PLCH1: variants seen among roughly 807,000 people sequenced by gnomAD.
The protein encoded by PLCH1 is phospholipase C eta 1, also known as 1-phosphatidylinositol 4,5-bisphosphate phosphodiesterase eta-1.
In PLCH1, 60 loss-of-function variants were observed where a neutral mutation model predicts 126.7. That is an observed-to-expected ratio of 0.47 (90% CI 0.38 to 0.59). The LOEUF is 0.59. Ranked by LOEUF, PLCH1 falls within the 20% of genes least tolerant of loss-of-function variation. The probability of loss-of-function intolerance (pLI) is 0.00; values close to 1 mark genes in which losing one functional copy is unlikely to be tolerated. For synonymous variants in PLCH1, 719 were observed against 734.9 expected, an observed-to-expected ratio of 0.98 and a Z score of 0.35; for missense variants, 1,723 against 2,040.0, an observed-to-expected ratio of 0.84 and a Z score of 2.99.
intron 1 of PLCH1, among the ~76,000 whole-genome samples, chr3:155,724,367 C>T (rs1188090361): frequency 6.6e-6 from 1 of 152,098 alleles, no homozygotes; most frequent in East Asian, 1.9e-4. Flanking sequence ...TATTGTGTTG[C>T]CATCTACCTT....
At chr3:155,648,255 C>T (rs1441037690) in intron 2 of PLCH1, among the ~76,000 whole-genome samples, 1 of 152,128 alleles carries the variant, frequency 6.6e-6, no homozygotes, top group African/African-American at 2.4e-5. Flanking sequence ...AGCTTCAATC[C>T]TCTTACATTC....
intron 10 of PLCH1, among the ~76,000 whole-genome samples, chr3:155,531,720 AC>A (rs1477948617): frequency 6.6e-6 from 1 of 152,164 alleles, no homozygotes; most frequent in Non-Finnish European, 1.5e-5. Context: ...CTCCACCAAC[AC>A]TTGCTGCTTC....
intron 12 of PLCH1, among the ~76,000 whole-genome samples, chr3:155,513,829 T>G (rs1478030435): frequency 6.6e-6 from 1 of 152,174 alleles, no homozygotes; most frequent in African/African-American, 2.4e-5. Context: ...TATCCTATAC[T>G]CTGGCCAAGT....
intron 2 of PLCH1, among the ~76,000 whole-genome samples, chr3:155,681,708 C>T (rs1744552247): frequency 6.6e-6 from 1 of 152,196 alleles, no homozygotes; most frequent in African/African-American, 2.4e-5. Context: ...ATCAAAATCA[C>T]CAATGTAGCT....
chr3:155,491,047 A>G (rs1372967791), intron 18 of PLCH1, among the ~76,000 whole-genome samples, 179 bp from the exon 19 acceptor site: 3 of 152,208 alleles, frequency 2.0e-5, no homozygotes, highest in South Asian at 4.1e-4. Flanking sequence ...CAAGTATAAA[A>G]AATATTAAAT....
Position 155,594,026 on chromosome 3 carries a change from G to A in PLCH1, c.385C>T (p.Arg129Cys), listed in dbSNP as rs373747408. The change falls in exon 4 of 23, where the codon CGC (arginine) becomes TGC (cysteine). Residue 129 changes from arginine to cysteine, a missense_variant. Coordinates refer to ENST00000460012, the MANE Select transcript of PLCH1 (RefSeq NM_014996.4). ...TACTTGAGGCCTGTGATCCAGGTGCGGGCCTCCTCGGGGTTGGAGGTGATG... is the reference window on the plus strand; with the variant it reads ...TACTTGAGGCCTGTGATCCAGGTGCAGGCCTCCTCGGGGTTGGAGGTGATG... ...DLITSNPEEA[R>C]TWITGLKYLM... The A allele has an allele frequency of 9.3e-6, 15 of 1,613,704 alleles. No homozygotes were observed. Among genetic ancestry groups the A allele is most frequent in the South Asian group, 1.1e-5 (1 of 91,076 alleles).
chr3:155,547,511 ACCATTTGACCCACCAATC>A (rs1725515737), intron 10 of PLCH1, among the ~76,000 whole-genome samples: 1 of 147,416 alleles, frequency 6.8e-6, no homozygotes, highest in African/African-American at 2.5e-5. Context: ...AACTAGAAAT[ACCATTTGACCCACCAATC>A]CCATTACTGG....
At chr3:155,549,757 G>A in intron 10 of PLCH1, 30 bp downstream of exon 10, 1 of 1,524,248 alleles carries the variant, frequency 6.6e-7, no homozygotes, top group Non-Finnish European at 9.1e-7. Context: ...GATAATGAAT[G>A]TCTTTTATTG....
chr3:155,454,310 G>GCAA (rs1032355389), intron 21 of PLCH1, among the ~76,000 whole-genome samples: 2 of 151,932 alleles, frequency 1.3e-5, no homozygotes, highest in African/African-American at 2.4e-5. Context: ...TTCAGCCTGA[G>GCAA]CAACATGACA....
At chr3:155,580,353 C>G (rs1412396243) in intron 6 of PLCH1, among the ~76,000 whole-genome samples, 1 of 152,158 alleles carries the variant, frequency 6.6e-6, no homozygotes, top group Non-Finnish European at 1.5e-5. Context: ...ATTGAAGACT[C>G]TGATCACCAA....
chr3:155,590,550 C>A (rs1295250569), intron 4 of PLCH1, among the ~76,000 whole-genome samples: 6 of 147,706 alleles, frequency 4.1e-5, no homozygotes, highest in Non-Finnish European at 8.9e-5. Context: ...TGCACTCCAG[C>A]CTGGGCGACA....
intron 2 of PLCH1, among the ~76,000 whole-genome samples, chr3:155,647,721 T>C (rs968801595): frequency 6.6e-6 from 1 of 152,116 alleles, no homozygotes; most frequent in African/African-American, 2.4e-5. Context: ...ATAATAAAAT[T>C]AATTTTTTTA....
chr3:155,720,365 A>G (rs1410245679), intron 1 of PLCH1, among the ~76,000 whole-genome samples: 1 of 151,370 alleles, frequency 6.6e-6, no homozygotes, highest in Admixed American at 6.6e-5. Flanking sequence ...TTTTCACCAC[A>G]TCCACACTGA....
intron 21 of PLCH1, among the ~76,000 whole-genome samples, chr3:155,459,593 G>A (rs940913720): frequency 6.6e-6 from 1 of 152,148 alleles, no homozygotes; most frequent in African/African-American, 2.4e-5. Flanking sequence ...AGAGGCTCAA[G>A]AAAGGGGGAC....
chr3:155,739,641 G>A (rs1577392509), intron 1 of PLCH1, among the ~76,000 whole-genome samples: 1 of 152,194 alleles, frequency 6.6e-6, no homozygotes, highest in African/African-American at 2.4e-5. Context: ...GTAACCCAGC[G>A]TTTGTCACAA....
In PLCH1 at chr3:155,482,741, A is replaced by G. The variant is rs1249615174; in HGVS notation, c.3285T>C (p.His1095=). The change falls in exon 23 of 23, where the codon CAT becomes CAC. Residue 1095 remains histidine (H), a synonymous_variant. Transcript: ENST00000460012. Reference sequence around the variant, plus strand: ...TACCCTTTTCCTTGATTTTCACACCATGCAGATCTTGTGTGGGGTTAACTA... The same window carrying G: ...TACCCTTTTCCTTGATTTTCACACCGTGCAGATCTTGTGTGGGGTTAACTA... ...DPVVNPTQDL[H]GVKIKEKGNP... The G allele has an allele frequency of 6.2e-7, 1 of 1,614,052 alleles. No individual in the cohort carries two copies. Among genetic ancestry groups the G allele is most frequent in the Non-Finnish European group, 8.5e-7 (1 of 1,180,022 alleles).
At chr3:155,519,112 G>A (rs1418579748) in intron 11 of PLCH1, among the ~76,000 whole-genome samples, 6 of 152,150 alleles carry the variant, frequency 3.9e-5, no homozygotes, top group Non-Finnish European at 7.3e-5. Context: ...TGTGGCTGAG[G>A]TTTCATTAAT....
intron 19 of PLCH1, 175 bp downstream of exon 19, chr3:155,490,609 C>A: frequency 6.3e-6 from 3 of 472,638 alleles, no homozygotes; most frequent in South Asian, 4.4e-5. Context: ...AAAAATAAGC[C>A]ACGCATCAAT....
intron 2 of PLCH1, among the ~76,000 whole-genome samples, chr3:155,661,077 AC>A (rs2108940545): frequency 6.6e-6 from 1 of 152,366 alleles, no homozygotes; most frequent in East Asian, 1.9e-4. Flanking sequence ...CATTTCAAAT[AC>A]CATATATGAT....
Sources: gnomAD v4.1 joint callset for allele counts (sites outside exome capture counted in the v4.1 genomes callset) on GRCh38, gnomAD v4.1.1 for gene constraint, MANE v1.5 for transcripts, NCBI Gene and HGNC (gene_info 2026-07-23, HGNC 2026-07-21) for gene names.